The following ILRUN variants were observed in gnomAD, a reference collection of about 807,000 sequenced individuals.
The protein encoded by ILRUN is inflammation and lipid regulator with UBA-like and NBR1-like domains.
A neutral mutation model predicts 33.8 loss-of-function variants in ILRUN; 3 were observed. The ratio of observed to expected loss-of-function variants is 0.09; its 90% CI spans 0.04 to 0.23. The LOEUF is 0.23. Among genes scored for constraint, ILRUN ranks in the 10% least tolerant of loss-of-function variants. The pLI, the probability that ILRUN is intolerant of heterozygous loss-of-function variation, is 1.00. For synonymous variants in ILRUN, 124 were observed against 138.9 expected (o/e 0.89, Z 0.75); for missense variants, 210 against 375.1 (o/e 0.56, Z 3.64).
At chr6:34,629,004 G>C (rs997119393) in intron 3 of ILRUN, among the ~76,000 whole-genome samples, 15 of 152,264 alleles carry the variant, frequency 9.9e-5, no homozygotes, top group African/African-American at 2.6e-4. Flanking sequence ...CCAGCTACTT[G>C]GGAGGCTGAG....
chr6:34,652,135 A>C (rs983016460), intron 2 of ILRUN, among the ~76,000 whole-genome samples: 3 of 152,180 alleles, frequency 2.0e-5, no homozygotes, highest in Non-Finnish European at 4.4e-5. Context: ...TTTTAAATTC[A>C]GAATAAAAAC....
In ILRUN at chr6:34,637,843, T is replaced by TTGC. The variant is rs1203721482; in HGVS notation, c.511+8755_511+8757dup. ...CAGTCATTTCACATTGCTGTTGTTG[T>TTGC]TGCTGCTGCTGCTGCTGCTGCTGTT... On this transcript the variant is annotated intron_variant, in intron 3 of 4. Coordinates refer to ENST00000374023, the MANE Select transcript of ILRUN (RefSeq NM_024294.4). Among the ~76,000 whole-genome samples the TTGC allele has an allele frequency of 6.4e-3, 903 of 141,326 alleles. 7 individuals are homozygous for TTGC. Among genetic ancestry groups the TTGC allele is most frequent in the South Asian group, 9.7e-3 (42 of 4,308 alleles). The allele number at this position is 141,326 out of a possible 152,430, so 92.7% of individuals were successfully genotyped here.
At chr6:34,660,292 C>A (rs1308399002) in intron 1 of ILRUN, among the ~76,000 whole-genome samples, 2 of 151,230 alleles carry the variant, frequency 1.3e-5, no homozygotes, top group African/African-American at 4.9e-5. Flanking sequence ...AACAGTGAGA[C>A]CCTGTCAAAA....
intron 1 of ILRUN, among the ~76,000 whole-genome samples, chr6:34,683,497 T>TATAC (rs1554189874): frequency 4.4e-4 from 45 of 101,240 alleles, no homozygotes; most frequent in African/African-American, 3.5e-4. Context: ...CATATATATA[T>TATAC]ACATATATAT....
At chr6:34,637,770 A>C (rs1455814142) in intron 3 of ILRUN, among the ~76,000 whole-genome samples, 1 of 152,174 alleles carries the variant, frequency 6.6e-6, no homozygotes, top group Non-Finnish European at 1.5e-5. Context: ...GGCCCATAGA[A>C]GGTTCAAGAC....
chr6:34,659,330 A>T (rs551683014), intron 1 of ILRUN, among the ~76,000 whole-genome samples: 92 of 152,320 alleles, frequency 6.0e-4, no homozygotes, highest in Middle Eastern at 3.4e-3. Context: ...TCCAACCTTC[A>T]TTTTATAGAT....
At chr6:34,643,318 C>CGTGTGT (rs370000161) in intron 3 of ILRUN, among the ~76,000 whole-genome samples, 4 of 148,806 alleles carry the variant, frequency 2.7e-5, no homozygotes, top group African/African-American at 9.9e-5. Flanking sequence ...AAAAAAAGTG[C>CGTGTGT]GTGTGTGTGT....
intron 3 of ILRUN, among the ~76,000 whole-genome samples, chr6:34,639,062 A>C (rs1762419735): frequency 6.6e-6 from 1 of 152,238 alleles, no homozygotes; most frequent in Non-Finnish European, 1.5e-5. Context: ...TAGGTAGGAC[A>C]TGCTATAAAA....
rs75954598 is a variant in ILRUN, at chr6:34,587,612, T to C, written c.*2953A>G. 33 of 155,532 alleles carry C rather than the reference T, an allele frequency of 2.1e-4. No individual in the cohort carries two copies. In the East Asian group the frequency reaches 5.3e-3, roughly 25 times the overall value. 9.6% of individuals were successfully genotyped at this position (155,532 alleles called of 1,614,324 possible). A position where few individuals can be genotyped will look rare whatever the true frequency, so the allele number is the denominator to read the frequency against. On this transcript the variant is annotated 3_prime_UTR_variant, in exon 5 of 5. Coordinates refer to ENST00000374023, the MANE Select transcript of ILRUN (RefSeq NM_024294.4). ...TTATTCTCATGCCCATTTCCCACCA[T>C]GGCCACCCTCAGGCCACACCAGCTG...
At chr6:34,650,407 TTTTATTTATTTATTTA>T (rs56072656) in intron 2 of ILRUN, among the ~76,000 whole-genome samples, 24,833 of 141,370 alleles carry the variant, frequency 0.18, 3,038 homozygotes, top group African/African-American at 0.35. Flanking sequence ...ATTTATTTAT[TTTTATTTATTTATTTA>T]TTTATTTATT....
rs373757230 is a variant in ILRUN, at chr6:34,652,936, G to A, written c.313+1689C>T. 2.5e-4 allele frequency among the ~76,000 whole-genome samples: 38 copies of A among 151,950 alleles called. 1 individual carries two copies. The highest frequency in any genetic ancestry group is 1.4e-3 in the Admixed American group (21 of 15,248). On this transcript the variant is annotated intron_variant, in intron 2 of 4. Transcript: ENST00000374023. Reference sequence around the variant, plus strand: ...TTTAGAATGCCAAGGTGGGAGGATCGTGTGAGCCCAGCCCGAGCAACACAA... The same window carrying A: ...TTTAGAATGCCAAGGTGGGAGGATCATGTGAGCCCAGCCCGAGCAACACAA...
rs117324973 is a variant in ILRUN at position 34,607,983 on chromosome 6, C to T, written c.512-1079G>A. 4.6e-3 allele frequency among the ~76,000 whole-genome samples: 705 copies of T among 152,038 alleles called. 20 individuals are homozygous for T. In the East Asian group the frequency reaches 0.1, roughly 22 times the overall value. ...TGGTGCTCGCCTGTAGTCCCAGCTACTTGGGGGACAGAGGTGGGAGGATCG... is the reference window on the plus strand; with the variant it reads ...TGGTGCTCGCCTGTAGTCCCAGCTATTTGGGGGACAGAGGTGGGAGGATCG... On this transcript the variant is annotated intron_variant, in intron 3 of 4. Transcript: ENST00000374023.
intron 1 of ILRUN, among the ~76,000 whole-genome samples, chr6:34,665,191 A>G (rs1036687983): frequency 1.7e-4 from 24 of 144,200 alleles, no homozygotes; most frequent in African/African-American, 6.3e-4. Context: ...ATGGTAGCTC[A>G]CCGCCTATAA....
At chr6:34,645,846 G>A (rs953149792) in intron 3 of ILRUN, among the ~76,000 whole-genome samples, 4 of 152,130 alleles carry the variant, frequency 2.6e-5, no homozygotes, top group African/African-American at 9.7e-5. Context: ...CCATGAATGG[G>A]GCCCAACTAA....
In ILRUN at chr6:34,606,652, T is replaced by C; in HGVS notation, c.764A>G (p.Asp255Gly). ...PAPDTWAPAP[D>G]QTEQDQNRLS... is the part of the protein sequence containing the mutation. ...TCTATTCTGGTCTTGCTCAGTTTGG[T>C]CAGGAGCAGGAGCCCATGTGTCAGG... The change falls in exon 4 of 5, where the codon GAC (aspartate) becomes GGC (glycine). Residue 255 changes from aspartate to glycine, a missense_variant. Around this residue, in one of 4 missense-constraint regions of ILRUN, gnomAD observed 81 missense variants for 97.0 expected, o/e 0.84. Transcript: ENST00000374023. The C allele has an allele frequency of 1.2e-6, 2 of 1,612,554 alleles. No individual in the cohort carries two copies. Among genetic ancestry groups the C allele is most frequent in the Non-Finnish European group, 1.7e-6 (2 of 1,178,598 alleles).
At chr6:34,621,424 G>A (rs566407036) in intron 3 of ILRUN, among the ~76,000 whole-genome samples, 5 of 152,126 alleles carry the variant, frequency 3.3e-5, no homozygotes, top group African/African-American at 7.2e-5. Context: ...GCAAAATATC[G>A]ATTGCAGAGA....
intron 1 of ILRUN, among the ~76,000 whole-genome samples, chr6:34,670,004 C>G: frequency 6.6e-6 from 1 of 151,978 alleles, no homozygotes; most frequent in Non-Finnish European, 1.5e-5. Context: ...CTCTGCCTCC[C>G]AGGTTCAAGC....
intron 3 of ILRUN, among the ~76,000 whole-genome samples, chr6:34,621,463 T>C (rs1762011018): frequency 1.3e-5 from 2 of 152,222 alleles, no homozygotes; most frequent in South Asian, 2.1e-4. Context: ...ATCAGGCTGT[T>C]ACCACCTGAA....
At chr6:34,643,697 CTTATTT>C (rs1762516295) in intron 3 of ILRUN, among the ~76,000 whole-genome samples, 1 of 152,082 alleles carries the variant, frequency 6.6e-6, no homozygotes, top group African/African-American at 2.4e-5. Flanking sequence ...ATTTATATAT[CTTATTT>C]TTATCTTTTT....
Sources: gnomAD v4.1 joint callset for allele counts (sites outside exome capture counted in the v4.1 genomes callset) on GRCh38, gnomAD v4.1.1 for gene constraint, gnomAD v4.1.1 regional missense constraint, MANE v1.5 for transcripts, NCBI Gene and HGNC (gene_info 2026-07-23, HGNC 2026-07-21) for gene names.